Variants in NCAM1 observed in about 807,000 individuals in gnomAD.
NCAM1 encodes antigen recognized by monoclonal antibody 5.1H11.
Under a neutral mutation model 109.8 loss-of-function variants are expected in NCAM1, and 14 were observed. That is an observed-to-expected ratio of 0.13 (90% CI 0.08 to 0.20). The LOEUF (loss-of-function observed/expected upper bound fraction) is 0.20, where lower values mean the gene tolerates loss of function less well. Ranked by LOEUF, NCAM1 falls within the 10% of genes least tolerant of loss-of-function variation. The probability of loss-of-function intolerance (pLI) is 1.00; values close to 1 mark genes in which losing one functional copy is unlikely to be tolerated. For synonymous variants in NCAM1, 418 were observed against 442.9 expected (o/e 0.94, Z 0.70); for missense variants, 774 against 1,109.9 (o/e 0.70, Z 4.30).
chr11:113,057,819 T>C (rs535410656), intron 1 of NCAM1, among the ~76,000 whole-genome samples: 2 of 152,146 alleles, frequency 1.3e-5, no homozygotes, highest in Admixed American at 6.5e-5. Flanking sequence ...TGGATTTGAG[T>C]GCATGTAGCT....
chr11:113,001,929 T>C (rs1951762879), intron 1 of NCAM1, among the ~76,000 whole-genome samples: 1 of 152,180 alleles, frequency 6.6e-6, no homozygotes, highest in Non-Finnish European at 1.5e-5. Context: ...GTTGGCTTCA[T>C]TCCCAGGCAG....
At chr11:113,182,526 A>G (rs113886560) in intron 1 of NCAM1, among the ~76,000 whole-genome samples, 1,746 of 152,272 alleles carry the variant, frequency 0.011, 18 homozygotes, top group Non-Finnish European at 0.016. Context: ...TAGGCACTCC[A>G]TGTGTCATTT....
chr11:113,197,683 A>T (rs553172854), intron 1 of NCAM1, among the ~76,000 whole-genome samples: 7 of 152,280 alleles, frequency 4.6e-5, no homozygotes, highest in South Asian at 2.1e-4. Flanking sequence ...AAGTATTTTC[A>T]ATTAGCCACG....
chr11:113,224,792 C>T (rs1555115913), intron 9 of NCAM1, among the ~76,000 whole-genome samples: 1 of 152,234 alleles, frequency 6.6e-6, no homozygotes, highest in East Asian at 1.9e-4. Flanking sequence ...CGCTGTTCTG[C>T]AGCCTCCGCT....
intron 17 of NCAM1, chr11:113,269,977 T>C: frequency 3.4e-6 from 2 of 593,462 alleles, no homozygotes; most frequent in Non-Finnish European, 3.0e-6. Context: ...ATCTGTGAGA[T>C]GATGTTGTCA....
chr11:113,184,193 A>G (rs1467444351), intron 1 of NCAM1, among the ~76,000 whole-genome samples: 1 of 152,244 alleles, frequency 6.6e-6, no homozygotes, highest in Non-Finnish European at 1.5e-5. Flanking sequence ...ACATATAAAA[A>G]GAGCATCTGT....
Position 113,219,175 on chromosome 11 carries a change from A to T in NCAM1, c.1060-2121A>T, listed in dbSNP as rs77980004. Reference sequence around the variant, plus strand: ...AGAAGAGATAGGAAAAATGAAAAGCATTCTGTGAACCTTGAATCTTAGGCT... The same window carrying T: ...AGAAGAGATAGGAAAAATGAAAAGCTTTCTGTGAACCTTGAATCTTAGGCT... On this transcript the variant is annotated intron_variant, in intron 8 of 19. Transcript: ENST00000316851. 2.2e-3 allele frequency among the ~76,000 whole-genome samples: 334 copies of T among 152,352 alleles called. 1 individual carries two copies. Among genetic ancestry groups the T allele is most frequent in the African/African-American group, 7.6e-3 (318 of 41,588 alleles).
At chr11:113,044,878 C>A (rs572298214) in intron 1 of NCAM1, among the ~76,000 whole-genome samples, 1 of 151,912 alleles carries the variant, frequency 6.6e-6, no homozygotes, top group East Asian at 2.0e-4. Flanking sequence ...CTCAGCCTCC[C>A]GAGTAGCTGG....
chr11:113,093,646 A>G (rs1276987299), intron 1 of NCAM1, among the ~76,000 whole-genome samples: 1 of 152,202 alleles, frequency 6.6e-6, no homozygotes. Context: ...AGGTAGGAAC[A>G]TTAGGAGCAG....
At chr11:113,043,321 C>G (rs1307099007) in intron 1 of NCAM1, among the ~76,000 whole-genome samples, 1 of 152,048 alleles carries the variant, frequency 6.6e-6, no homozygotes, top group African/African-American at 2.4e-5. Flanking sequence ...CTATTGAAAT[C>G]CTACCTTTTT....
chr11:112,984,786 A>G (rs1555069321), intron 1 of NCAM1, among the ~76,000 whole-genome samples: 1 of 151,468 alleles, frequency 6.6e-6, no homozygotes, highest in Admixed American at 6.6e-5. Context: ...TTCCTTATAT[A>G]TTTTGAATAT....
intron 1 of NCAM1, among the ~76,000 whole-genome samples, chr11:113,044,029 A>G (rs1555080409): frequency 6.6e-6 from 1 of 151,988 alleles, no homozygotes; most frequent in East Asian, 1.9e-4. Flanking sequence ...AGCCTCGGTA[A>G]TATTTGATCA....
chr11:113,186,414 A>G (rs1264487569), intron 1 of NCAM1, among the ~76,000 whole-genome samples: 2 of 152,244 alleles, frequency 1.3e-5, no homozygotes, highest in Non-Finnish European at 2.9e-5. Context: ...ATTGTCTTCC[A>G]TGAAACTTGT....
At chr11:113,101,589 A>G (rs1939877938) in intron 1 of NCAM1, among the ~76,000 whole-genome samples, 1 of 151,934 alleles carries the variant, frequency 6.6e-6, no homozygotes, top group Non-Finnish European at 1.5e-5. Flanking sequence ...CTTTGACTGG[A>G]TTTATGCTCA....
In NCAM1 at chr11:113,057,090, G is replaced by C. The variant is rs565026441; in HGVS notation, c.52+95426G>C. 1.1e-4 allele frequency among the ~76,000 whole-genome samples: 16 copies of C among 152,316 alleles called. 1 individual carries two copies. In the East Asian group the frequency reaches 2.3e-3, roughly 22 times the overall value. On this transcript the variant is annotated intron_variant, in intron 1 of 19. Transcript: ENST00000316851. ...TAAGATGCTGGAGATGTAGTGGCAG[G>C]AGTAGTCCAAGTATCTTACAGGAGC...
chr11:113,133,240 C>T (rs1052713642), intron 1 of NCAM1: 11 of 152,242 alleles, frequency 7.2e-5, no homozygotes, highest in Middle Eastern at 6.8e-3. Flanking sequence ...TGAAGTGTGT[C>T]GCTGTGTATA....
chr11:113,099,948 GT>G (rs1939795674), intron 1 of NCAM1, among the ~76,000 whole-genome samples: 1 of 152,132 alleles, frequency 6.6e-6, no homozygotes, highest in South Asian at 2.1e-4. Flanking sequence ...CGGCCTCCCA[GT>G]TGCTGGGATT....
chr11:113,167,543 T>TAAA (rs113240328), intron 1 of NCAM1, among the ~76,000 whole-genome samples: 12,423 of 143,832 alleles, frequency 0.086, 1,283 homozygotes, highest in African/African-American at 0.24. Context: ...TTTTTTTAAT[T>TAAA]AAAAAAAAAA....
At chr11:113,029,925 A>T (rs1952662651) in intron 1 of NCAM1, among the ~76,000 whole-genome samples, 1 of 152,170 alleles carries the variant, frequency 6.6e-6, no homozygotes, top group African/African-American at 2.4e-5. Flanking sequence ...TGGTGGAAAA[A>T]GTGTAGGCTG....
Sources: gnomAD v4.1 joint callset for allele counts (sites outside exome capture counted in the v4.1 genomes callset) on GRCh38, gnomAD v4.1.1 for gene constraint, MANE v1.5 for transcripts, NCBI Gene and HGNC (gene_info 2026-07-23, HGNC 2026-07-21) for gene names.